Variants in MBOAT2 observed in about 807,000 individuals in gnomAD.
MBOAT2 encodes membrane bound glycerophospholipid O-acyltransferase 2, also known as membrane-bound glycerophospholipid O-acyltransferase 2.
MBOAT2 carries 28 observed loss-of-function variants against 63.4 expected under a neutral mutation model. That is an observed-to-expected ratio of 0.44 (90% confidence interval 0.33 to 0.61). The LOEUF (loss-of-function observed/expected upper bound fraction) is 0.61, where lower values mean the gene tolerates loss of function less well. MBOAT2 is among the 20% of genes least tolerant of loss of function. The pLI is 0.03. For missense variants in MBOAT2, 470 were observed against 605.8 expected (o/e 0.78, Z 2.35); for synonymous variants, 211 against 215.6 (o/e 0.98, Z 0.19).
At chr2:8,891,775 G>A (rs1664021320) in intron 4 of MBOAT2, among the ~76,000 whole-genome samples, 1 of 152,146 alleles carries the variant, frequency 6.6e-6, no homozygotes, top group Non-Finnish European at 1.5e-5. Flanking sequence ...GAAGGCTTTG[G>A]AACTTCCAGA....
In MBOAT2 at chr2:8,859,055, G is replaced by GA. The variant is rs1661311551; in HGVS notation, c.1338-152dup. 2 of 647,864 alleles carry GA rather than the reference G, an allele frequency of 3.1e-6. 1 individual carries two copies. Among genetic ancestry groups the GA allele is most frequent in the South Asian group, 4.1e-5 (2 of 48,506 alleles). 40.1% of individuals were successfully genotyped at this position (647,864 alleles called of 1,614,324 possible). A position where few individuals can be genotyped will look rare whatever the true frequency, so the allele number is the denominator to read the frequency against. Reference sequence around the variant, plus strand: ...CTTTTATTTTTCCCCCTCAGGAGAAGAAACCTGACAGTGTAGGCCAGTGGG... The same window carrying GA: ...CTTTTATTTTTCCCCCTCAGGAGAAGAAAACCTGACAGTGTAGGCCAGTGGG... On this transcript the variant is annotated intron_variant, in intron 12 of 12. Transcript: ENST00000305997.
At chr2:8,961,702 T>C (rs2103283373) in intron 1 of MBOAT2, among the ~76,000 whole-genome samples, 1 of 152,248 alleles carries the variant, frequency 6.6e-6, no homozygotes, top group Non-Finnish European at 1.5e-5. Flanking sequence ...GTTACACTCC[T>C]GTTTCATAAG....
At chr2:8,901,720 G>A (rs550177675) in intron 4 of MBOAT2, among the ~76,000 whole-genome samples, 7 of 152,278 alleles carry the variant, frequency 4.6e-5, no homozygotes, top group African/African-American at 9.6e-5. Context: ...TCCCCCCTAC[G>A]ATGGGGCTTT....
At chr2:8,888,900 C>T (rs1663769036) in intron 4 of MBOAT2, among the ~76,000 whole-genome samples, 1 of 152,064 alleles carries the variant, frequency 6.6e-6, no homozygotes, top group African/African-American at 2.4e-5. Flanking sequence ...TAAATAAAAC[C>T]ACCAGGAAGG....
At chr2:8,881,903 T>C (rs1663165020) in intron 6 of MBOAT2, among the ~76,000 whole-genome samples, 1 of 152,242 alleles carries the variant, frequency 6.6e-6, no homozygotes, top group Non-Finnish European at 1.5e-5. Flanking sequence ...GGGAAATTTT[T>C]CTTTAAGTAT....
intron 1 of MBOAT2, among the ~76,000 whole-genome samples, chr2:8,977,230 TAATAAA>T (rs1670882019): frequency 6.6e-6 from 1 of 152,132 alleles, no homozygotes; most frequent in African/African-American, 2.4e-5. Flanking sequence ...AATTTTTTTT[TAATAAA>T]AATAAGTTCA....
At chr2:8,863,497 A>C (rs938899289) in intron 10 of MBOAT2, among the ~76,000 whole-genome samples, 5 of 152,130 alleles carry the variant, frequency 3.3e-5, no homozygotes, top group African/African-American at 1.2e-4. Flanking sequence ...TACTCCACCC[A>C]GCCTGGCTTG....
intron 1 of MBOAT2, among the ~76,000 whole-genome samples, chr2:8,968,924 G>A (rs537643347): frequency 6.6e-6 from 1 of 152,264 alleles, no homozygotes; most frequent in Admixed American, 6.5e-5. Flanking sequence ...AAAAGTGACG[G>A]GGAGAATGGA....
intron 4 of MBOAT2, among the ~76,000 whole-genome samples, chr2:8,906,771 T>C (rs981689594): frequency 1.3e-5 from 2 of 152,270 alleles, no homozygotes; most frequent in South Asian, 2.1e-4. Context: ...CACAAATCTA[T>C]AGTAACACCA....
Position 8,859,916 on chromosome 2 carries a change from G to A in MBOAT2, c.1337+697C>T, listed in dbSNP as rs572254912. ...TTATTTTCCTTAGGCTGGGTGTGGT[G>A]GCTCATGCCTGTAATCCCAGCACTT... On this transcript the variant is annotated intron_variant, in intron 12 of 12. Transcript: ENST00000305997. 1.1e-3 allele frequency among the ~76,000 whole-genome samples: 169 copies of A among 152,296 alleles called. 2 individuals carry two copies. Among genetic ancestry groups the A allele is most frequent in the Non-Finnish European group, 4.4e-4 (30 of 68,036 alleles).
rs1242930630 is a variant in MBOAT2 at position 8,853,763 on chromosome 2, T to C, written c.*4916A>G. On this transcript the variant is annotated 3_prime_UTR_variant, in exon 13 of 13. Transcript: ENST00000305997. The stretch of plus-strand genomic sequence containing the variant: ...GAACATACAGTCTTAGTGTTGTATT[T>C]TTTCTTTATAAAAGTTGTACTTAAA... The C allele has an allele frequency of 6.6e-6, 1 of 152,200 alleles. No homozygotes were observed. The highest frequency in any genetic ancestry group is 2.4e-5 in the African/African-American group (1 of 41,440). 9.4% of individuals were successfully genotyped at this position (152,200 alleles called of 1,614,324 possible). A position where few individuals can be genotyped will look rare whatever the true frequency, so the allele number is the denominator to read the frequency against.
chr2:8,887,893 T>C, intron 5 of MBOAT2, 125 bp downstream of exon 5: 2 of 861,576 alleles, frequency 2.3e-6, no homozygotes, highest in East Asian at 2.5e-5. Flanking sequence ...CAGTTAAGTA[T>C]ATTTCCCTAT....
intron 1 of MBOAT2, among the ~76,000 whole-genome samples, chr2:8,981,045 T>C (rs1037230323): frequency 1.1e-4 from 16 of 148,838 alleles, no homozygotes; most frequent in Admixed American, 6.0e-4. Context: ...TATGCAAAGA[T>C]AGATAAACCT....
intron 5 of MBOAT2, among the ~76,000 whole-genome samples, chr2:8,883,721 T>C (rs1017493775): frequency 2.6e-5 from 4 of 152,220 alleles, no homozygotes; most frequent in Non-Finnish European, 5.9e-5. Flanking sequence ...TACCTTCTAT[T>C]CCTACAACTC....
chr2:8,998,598 C>A (rs1672469353), intron 1 of MBOAT2, among the ~76,000 whole-genome samples: 3 of 150,800 alleles, frequency 2.0e-5, no homozygotes, highest in African/African-American at 7.3e-5. Context: ...CTGCACGGTG[C>A]AGGGGAAGAG....
rs1006629821 is a variant in MBOAT2, at chr2:8,888,086, A to T, written c.396-13T>A. Reference sequence around the variant, plus strand: ...GATCATCATTGGGCTGTGACAAGATAAAAAAAATTAGTGTTTTAAAAGAAG... The same window carrying T: ...GATCATCATTGGGCTGTGACAAGATTAAAAAAATTAGTGTTTTAAAAGAAG... On this transcript the variant is annotated splice_polypyrimidine_tract_variant and intron_variant, in intron 4 of 12. Transcript: ENST00000305997. 2 of 1,598,930 alleles carry T rather than the reference A, an allele frequency of 1.3e-6. No individual in the cohort carries two copies. The highest frequency in any genetic ancestry group is 2.2e-5 in the East Asian group (1 of 44,534).
intron 5 of MBOAT2, among the ~76,000 whole-genome samples, chr2:8,883,147 T>C (rs1298861124): frequency 1.3e-5 from 2 of 151,994 alleles, no homozygotes; most frequent in Non-Finnish European, 2.9e-5. Context: ...CAAAGGGGAA[T>C]GAAATTAAAA....
At chr2:8,937,136 CA>C (rs1667726716) in intron 3 of MBOAT2, among the ~76,000 whole-genome samples, 1 of 152,184 alleles carries the variant, frequency 6.6e-6, no homozygotes, top group African/African-American at 2.4e-5. Flanking sequence ...GTACAAGAAT[CA>C]GGGATGAGAC....
intron 3 of MBOAT2, among the ~76,000 whole-genome samples, chr2:8,929,019 G>A (rs1021978740): frequency 2.0e-4 from 30 of 152,096 alleles, no homozygotes; most frequent in Non-Finnish European, 4.4e-4. Flanking sequence ...AGATAAGCCC[G>A]CAAACTGAAA....
Sources: allele counts gnomAD v4.1 joint callset (sites outside exome capture counted in the v4.1 genomes callset), GRCh38; gene constraint gnomAD v4.1.1; transcripts MANE v1.5; gene names NCBI Gene and HGNC (gene_info 2026-07-23, HGNC 2026-07-21).